HUNK: variants seen among roughly 807,000 people sequenced by gnomAD.
The protein encoded by HUNK is hormonally up-regulated neu tumor-associated kinase.
Under a neutral mutation model 61.0 loss-of-function variants are expected in HUNK, and 21 were observed. The observed-to-expected ratio is 0.34, with a 90% CI of 0.24 to 0.50. The LOEUF (loss-of-function observed/expected upper bound fraction) is 0.50. HUNK is among the 20% of genes least tolerant of loss of function. The pLI is 0.98. For synonymous variants in HUNK, 371 were observed against 386.1 expected (o/e 0.96, Z 0.46); for missense variants, 772 against 945.7 (o/e 0.82, Z 2.41).
intron 1 of HUNK, among the ~76,000 whole-genome samples, chr21:31,912,216 T>C (rs2052550874): frequency 1.3e-5 from 2 of 152,148 alleles, no homozygotes; most frequent in Admixed American, 6.6e-5. Flanking sequence ...TCCTTCCAGG[T>C]TCCTGACGCG....
intron 7 of HUNK, among the ~76,000 whole-genome samples, chr21:31,982,766 T>TTGTGTG (rs71193168): frequency 4.0e-5 from 6 of 150,764 alleles, no homozygotes; most frequent in African/African-American, 1.2e-4. Flanking sequence ...ACATGTGTGT[T>TTGTGTG]TGTGTGTGTG....
chr21:31,968,515 C>A, intron 6 of HUNK, 130 bp downstream of exon 6: 2 of 980,476 alleles, frequency 2.0e-6, no homozygotes, highest in Non-Finnish European at 3.0e-6. Context: ...ATCTCCCCTT[C>A]CCCCTAACAC....
In HUNK at chr21:31,947,455, C is replaced by A. The variant is rs146174030; in HGVS notation, c.746+1284C>A. The stretch of plus-strand genomic sequence containing the variant: ...ATTTCTGAGCTCCCTGCCAGGGAGT[C>A]CCCCGTACTCTGTCCTCACCCTTTT... On this transcript the variant is annotated intron_variant, in intron 4 of 10. Transcript: ENST00000270112. 1.8e-3 allele frequency among the ~76,000 whole-genome samples: 269 copies of A among 152,342 alleles called. 2 individuals carry two copies. The highest frequency in any genetic ancestry group is 3.4e-3 in the Admixed American group (52 of 15,306).
chr21:31,900,404 G>A (rs1424325933), intron 1 of HUNK, among the ~76,000 whole-genome samples: 3 of 149,360 alleles, frequency 2.0e-5, no homozygotes, highest in Non-Finnish European at 4.4e-5. Context: ...TGCCTCCCAG[G>A]TTGCAGGATT....
chr21:31,973,332 G>T (rs1377431655), intron 6 of HUNK, among the ~76,000 whole-genome samples: 1 of 152,018 alleles, frequency 6.6e-6, no homozygotes, highest in East Asian at 1.9e-4. Context: ...ACAGGCCCTG[G>T]TGTGTGATGT....
rs1343070209 is a variant in HUNK at position 31,995,826 on chromosome 21, A to G, written c.1364A>G (p.Lys455Arg). ...GATTTTCTTCATCGACCATTCTCCA[A>G]GAAGTTGGACAAGAACCTGCCCTCG... ...RGDFLHRPFSKKLDKNLPSHK... is the reference protein window; with the variant it reads ...RGDFLHRPFSRKLDKNLPSHK... Residue 455 changes from lysine to arginine, a missense_variant, in exon 10 of 11, where the codon AAG becomes AGG. Lys to Arg is a conservative substitution (Grantham distance 26, BLOSUM62 2). This residue lies in a region of HUNK where 413 missense variants were observed against 444.4 expected (regional missense o/e 0.93). Transcript: ENST00000270112. The G allele has an allele frequency of 1.9e-6, 3 of 1,614,102 alleles. No homozygotes were observed. The highest frequency in any genetic ancestry group is 2.7e-5 in the African/African-American group (2 of 74,954).
At chr21:31,905,987 T>C (rs1476019233) in intron 1 of HUNK, among the ~76,000 whole-genome samples, 1 of 54,476 alleles carries the variant, frequency 1.8e-5, no homozygotes, top group Admixed American at 3.1e-4. Context: ...GTTATTTTAA[T>C]TTTTTTTTTT....
chr21:31,887,778 G>A (rs553774108), intron 1 of HUNK, among the ~76,000 whole-genome samples: 6 of 152,258 alleles, frequency 3.9e-5, no homozygotes, highest in South Asian at 2.1e-4. Context: ...GGGGAGCCTC[G>A]CCAGCTCTGT....
chr21:31,969,098 A>G (rs1189888013), intron 6 of HUNK, among the ~76,000 whole-genome samples: 2 of 151,802 alleles, frequency 1.3e-5, no homozygotes, highest in Non-Finnish European at 1.5e-5. Flanking sequence ...GCTGGTCTTG[A>G]ACTCCTGACC....
intron 3 of HUNK, among the ~76,000 whole-genome samples, chr21:31,945,691 C>A (rs1284168940): frequency 6.6e-6 from 1 of 152,124 alleles, no homozygotes. Context: ...TTTCTTCCTG[C>A]CTTCATCCTA....
intron 2 of HUNK, among the ~76,000 whole-genome samples, chr21:31,929,272 A>G (rs1601383355): frequency 1.3e-5 from 2 of 152,082 alleles, no homozygotes; most frequent in East Asian, 3.9e-4. Flanking sequence ...TACAAAGGAA[A>G]CTTAGCATGT....
intron 4 of HUNK, among the ~76,000 whole-genome samples, chr21:31,953,737 T>G (rs2052868655): frequency 6.6e-6 from 1 of 152,200 alleles, no homozygotes; most frequent in Non-Finnish European, 1.5e-5. Flanking sequence ...TATCCACATC[T>G]TATGGATGAG....
chr21:31,979,732 G>T (rs969143139), intron 7 of HUNK, among the ~76,000 whole-genome samples: 5 of 151,354 alleles, frequency 3.3e-5, no homozygotes, highest in African/African-American at 9.7e-5. Flanking sequence ...AGCCAGGATG[G>T]TCTCAATCTC....
intron 1 of HUNK, among the ~76,000 whole-genome samples, chr21:31,910,944 T>C (rs2052541656): frequency 6.6e-6 from 1 of 152,228 alleles, no homozygotes; most frequent in African/African-American, 2.4e-5. Flanking sequence ...GCACTTGGCA[T>C]GCGGCAAATT....
At chr21:31,919,422 C>T (rs1296816251) in intron 1 of HUNK, among the ~76,000 whole-genome samples, 1 of 152,122 alleles carries the variant, frequency 6.6e-6, no homozygotes, top group East Asian at 1.9e-4. Context: ...GAAGAACTGC[C>T]TAAAGAAAAG....
chr21:31,915,625 T>C (rs570713823), intron 1 of HUNK, among the ~76,000 whole-genome samples: 78 of 152,282 alleles, frequency 5.1e-4, no homozygotes, highest in Non-Finnish European at 8.2e-4. Context: ...ATTTTGGAGA[T>C]TGGATACATC....
chr21:31,944,617 G>T (rs1448187334), intron 3 of HUNK, among the ~76,000 whole-genome samples: 1 of 151,868 alleles, frequency 6.6e-6, no homozygotes, highest in African/African-American at 2.4e-5. Flanking sequence ...GGGGAGGGTT[G>T]GGGAGGGAAG....
intron 6 of HUNK, among the ~76,000 whole-genome samples, chr21:31,971,887 G>C (rs1343251744): frequency 1.3e-5 from 2 of 148,168 alleles, no homozygotes; most frequent in African/African-American, 5.0e-5. Context: ...AGAGTTCAGT[G>C]GCGCAATCAC....
intron 7 of HUNK, among the ~76,000 whole-genome samples, chr21:31,981,036 G>A (rs939931457): frequency 6.6e-6 from 1 of 152,240 alleles, no homozygotes; most frequent in Non-Finnish European, 1.5e-5. Context: ...AGTTGACTTT[G>A]CAGATGGTGT....
Sources: gnomAD v4.1 joint callset for allele counts (sites outside exome capture counted in the v4.1 genomes callset) on GRCh38, gnomAD v4.1.1 for gene constraint, gnomAD v4.1.1 regional missense constraint, MANE v1.5 for transcripts, NCBI Gene and HGNC (gene_info 2026-07-23, HGNC 2026-07-21) for gene names.